Variants in INSL6 observed in about 807,000 individuals in gnomAD.
INSL6 encodes insulin-like peptide INSL6.
A neutral mutation model predicts 9.4 loss-of-function variants in INSL6; 16 were observed. That is an observed-to-expected ratio of 1.70 (90% CI 1.15 to 2.59). The LOEUF (loss-of-function observed/expected upper bound fraction) is 2.59. INSL6 is among the 30% of genes most tolerant of loss of function. The probability of loss-of-function intolerance (pLI) is 0.00; values close to 1 mark genes in which losing one functional copy is unlikely to be tolerated. For synonymous variants in INSL6, 154 were observed against 96.9 expected (o/e 1.59, Z -3.46); for missense variants, 391 against 257.3 (o/e 1.52, Z -3.56).
the INSL6 span, among the ~76,000 whole-genome samples, chr9:5,092,713 C>T: frequency 2.6e-5 from 4 of 152,092 alleles, no homozygotes; most frequent in African/African-American, 9.7e-5. Flanking sequence ...ATGAGCTATG[C>T]AAGAATGGCT....
the INSL6 span, among the ~76,000 whole-genome samples, chr9:5,092,520 C>G: frequency 7.9e-5 from 12 of 152,130 alleles, no homozygotes; most frequent in African/African-American, 2.9e-4. Flanking sequence ...ATTAAACCAT[C>G]GTAATCAAAC....
chr9:5,022,907 A>T, the INSL6 span, among the ~76,000 whole-genome samples: 1 of 152,232 alleles, frequency 6.6e-6, no homozygotes, highest in African/African-American at 2.4e-5. Flanking sequence ...GGCAAATTAA[A>T]TGTCTAATAT....
At chr9:5,123,842 C>G (rs1385256774), downstream of INSL6, among the ~76,000 whole-genome samples, 1 of 150,568 alleles carries the variant, frequency 6.6e-6, no homozygotes, top group African/African-American at 2.4e-5. Context: ...ATTTTTTTTT[C>G]CATTCTGACT....
At chr9:5,023,707 G>A in the INSL6 span, among the ~76,000 whole-genome samples, 8 of 152,228 alleles carry the variant, frequency 5.3e-5, no homozygotes, top group South Asian at 1.7e-3. Context: ...TTGAATACCA[G>A]TGTTCCTCTT....
the INSL6 span, among the ~76,000 whole-genome samples, chr9:5,004,350 T>G: frequency 6.6e-6 from 1 of 152,214 alleles, no homozygotes; most frequent in Non-Finnish European, 1.5e-5. Context: ...TGATTTCTAC[T>G]TTTTTAGATT....
chr9:5,124,370 C>G (rs1357739739), exon 4 of INSL6, among the ~76,000 whole-genome samples: 1 of 151,422 alleles, frequency 6.6e-6, no homozygotes, highest in Non-Finnish European at 1.5e-5. Flanking sequence ...TGTAATCGAT[C>G]GAGTTAATTT....
the INSL6 span, among the ~76,000 whole-genome samples, chr9:5,107,587 C>G: frequency 6.6e-6 from 1 of 152,020 alleles, no homozygotes; most frequent in Non-Finnish European, 1.5e-5. Context: ...TAGTTTAAGT[C>G]AAAAGAAATG....
In INSL6 at chr9:5,185,370, T is replaced by C. The variant is rs1317097109; in HGVS notation, c.233A>G (p.Tyr78Cys). The C allele has an allele frequency of 1.1e-5, 17 of 1,613,932 alleles. No individual in the cohort carries two copies. Among genetic ancestry groups the C allele is most frequent in the African/African-American group, 1.3e-5 (1 of 74,892 alleles). Residue 78 changes from tyrosine (Y) to cysteine (C), a missense_variant, in exon 1 of 2, where the codon TAC becomes TGC. By Grantham distance (194) the Tyr-to-Cys change is radical. Coordinates refer to ENST00000381641, the MANE Select transcript of INSL6 (RefSeq NM_007179.3). The stretch of plus-strand genomic sequence containing the variant: ...AGCGGTTTGCGGGCTTTCGAACTGG[T>C]ATGGGCTGTAGGCTTCGACCTTCTC... ...ASEKVEAYSPYQFESPQTASP... is the reference protein window; with the variant it reads ...ASEKVEAYSPCQFESPQTASP...
the INSL6 span, among the ~76,000 whole-genome samples, chr9:5,083,340 T>C: frequency 1.5e-3 from 229 of 152,284 alleles, no homozygotes; most frequent in African/African-American, 5.4e-3. Flanking sequence ...CAGTTCTTAG[T>C]AGGTCCAACC....
At chr9:5,088,647 G>T in the INSL6 span, among the ~76,000 whole-genome samples, 1 of 152,188 alleles carries the variant, frequency 6.6e-6, no homozygotes, top group Non-Finnish European at 1.5e-5. Context: ...TTAAACATCA[G>T]ACATTTATTT....
chr9:5,081,973 A>G, the INSL6 span: 1 of 899,740 alleles, frequency 1.1e-6, no homozygotes, highest in Non-Finnish European at 1.7e-6. Context: ...TTGTAGAAAA[A>G]AAAGGTTTGG....
At chr9:5,129,275 G>A (rs914928611) in intron 3 of INSL6, among the ~76,000 whole-genome samples, 1 of 152,046 alleles carries the variant, frequency 6.6e-6, no homozygotes, top group South Asian at 2.1e-4. Flanking sequence ...AAATAGTGAT[G>A]TAGTAAATAT....
chr9:5,073,289 G>A, the INSL6 span, among the ~76,000 whole-genome samples: 35,370 of 152,146 alleles, frequency 0.23, 4,455 homozygotes, highest in South Asian at 0.3. Context: ...CACAGATGTC[G>A]TGATATTTTA....
At chr9:5,115,904 T>C in the INSL6 span, among the ~76,000 whole-genome samples, 1 of 151,924 alleles carries the variant, frequency 6.6e-6, no homozygotes, top group Non-Finnish European at 1.5e-5. Context: ...CCAGGGCCTG[T>C]TGTTGGGTGG....
rs192457371 is a variant in INSL6, at chr9:5,148,950, T to C, written c.376+15229A>G. ...GGCAAGCTGGCCTGCAAAACAGACA[T>C]GCTGCAGGCCCTGTTCTCTCCCCAG... On this transcript the variant is annotated intron_variant, in intron 2 of 3. Transcript: ENST00000649639. 2.6e-3 allele frequency among the ~76,000 whole-genome samples: 392 copies of C among 152,152 alleles called. 1 individual carries two copies. The highest frequency in any genetic ancestry group is 6.8e-3 in the Middle Eastern group (2 of 294).
At chr9:5,084,856 A>G in the INSL6 span, 5 of 383,760 alleles carry the variant, frequency 1.3e-5, 1 homozygote, top group South Asian at 6.4e-5. Context: ...AACTTTTGCA[A>G]TAAAACAAAT....
chr9:5,112,570 C>G, the INSL6 span: 1 of 658,344 alleles, frequency 1.5e-6, no homozygotes, highest in East Asian at 2.9e-5. Flanking sequence ...CAGGGAGCGG[C>G]TGCGGGTCCC....
chr9:5,097,634 C>T, the INSL6 span: 1 of 147,980 alleles, frequency 6.8e-6, no homozygotes, highest in South Asian at 2.1e-4. Flanking sequence ...AGCTGATTAG[C>T]TACACTGCGT....
chr9:5,072,417 A>G, the INSL6 span: 26 of 1,125,776 alleles, frequency 2.3e-5, no homozygotes, highest in Admixed American at 8.4e-5. Flanking sequence ...ATTCTTCCTC[A>G]TTGAATGTAT....
Sources: gnomAD v4.1 joint callset for allele counts (sites outside exome capture counted in the v4.1 genomes callset) on GRCh38, gnomAD v4.1.1 for gene constraint, MANE v1.5 for transcripts, NCBI Gene and HGNC (gene_info 2026-07-23, HGNC 2026-07-21) for gene names.